The following CAD variants were observed in gnomAD, a reference collection of about 807,000 sequenced individuals.
CAD encodes the protein multifunctional protein CAD.
CAD carries 81 observed loss-of-function variants against 237.2 expected under a neutral mutation model. That is an observed-to-expected ratio of 0.34 (90% CI 0.29 to 0.41). The LOEUF (loss-of-function observed/expected upper bound fraction) is 0.41. Ranked by LOEUF, CAD falls within the 10% of genes least tolerant of loss-of-function variation. The pLI is 1.00. For synonymous variants in CAD, 1,196 were observed against 1,162.8 expected (o/e 1.03, Z -0.58); for missense variants, 2,181 against 2,951.7 (o/e 0.74, Z 6.05).
chr2:27,217,708 G>C, intron 1 of CAD, 75 bp downstream of exon 1: 1 of 1,437,956 alleles, frequency 7.0e-7, no homozygotes, highest in South Asian at 1.3e-5. Context: ...TCCCCGTCCA[G>C]ACCCCGCCAT....
intron 7 of CAD, 68 bp downstream of exon 7, chr2:27,223,816 C>T: frequency 6.3e-7 from 1 of 1,576,018 alleles, no homozygotes; most frequent in Non-Finnish European, 8.7e-7. Context: ...AAAAGTAAAG[C>T]ACGGCAGTGG....
At chr2:27,218,090 G>T in intron 2 of CAD, 74 bp downstream of exon 2, 1 of 1,339,402 alleles carries the variant, frequency 7.5e-7, no homozygotes, top group Non-Finnish European at 1.0e-6. Context: ...AGTAGGAGAC[G>T]TTGACACCCT....
rs1675459968 is a variant in CAD at position 27,226,752 on chromosome 2, G to C, written c.2157-80G>C. On this transcript the variant is annotated intron_variant, in intron 14 of 43. Transcript: ENST00000264705. ...AAAAGGACATTGGCCTGGATTTGTG[G>C]GAATGGAAAGAGCTATCCGGAAGCT... 4 of 1,602,334 alleles carry C rather than the reference G, an allele frequency of 2.5e-6. No individual in the cohort carries two copies. In the Admixed American group the frequency reaches 5.0e-5, roughly 20 times the overall value.
Position 27,236,763 on chromosome 2 carries a change from C to T in CAD, c.4329C>T (p.Ile1443=), listed in dbSNP as rs374650163. 1.2e-5 allele frequency: 19 copies of T among 1,614,094 alleles called. No homozygotes were observed. The highest frequency in any genetic ancestry group is 7.7e-5 in the South Asian group (7 of 91,078). Residue 1443 remains isoleucine, a synonymous_variant, in exon 27 of 44, where the codon ATC becomes ATT. Transcript: ENST00000264705. The surrounding 1 kb of genome is among the most constrained non-coding windows in gnomAD (Gnocchi z 4.1). ...TKLFVEALGQ[I]GPAPPLKVHV... ...TCCACTTGCAGGCCCTAGGCCAGAT[C>T]GGGCCAGCCCCTCCTTTGAAGGTGC...
rs1676206343 is a variant in CAD at position 27,239,693 on chromosome 2, G to A, written c.5395-4G>A. On this transcript the variant is annotated splice_polypyrimidine_tract_variant and splice_region_variant and intron_variant, in intron 33 of 43. Transcript: ENST00000264705. This position sits in a 1 kb window ranked among gnomAD's most constrained non-coding sequence, Gnocchi z 4.0. ...CTCCTGAGTGCCCTGCCTTCTGCCT[G>A]CAGGTTCTGGTACCCCCGGGCTATG... 3 of 1,574,386 alleles carry A rather than the reference G, an allele frequency of 1.9e-6. No individual in the cohort carries two copies. Among genetic ancestry groups the A allele is most frequent in the East Asian group, 2.2e-5 (1 of 44,460 alleles).
chr2:27,243,390 C>CT (rs5830040), intron 43 of CAD, 26 bp from the exon 44 acceptor site: 65,286 of 1,356,810 alleles, frequency 0.048, 165 homozygotes, highest in African/African-American at 0.074. Flanking sequence ...ATAACACTTC[C>CT]TTTTTTTTTT....
At chr2:27,234,269 C>G (rs1675899447) in intron 22 of CAD, 43 bp downstream of exon 22, 1 of 1,549,058 alleles carries the variant, frequency 6.5e-7, no homozygotes, top group African/African-American at 1.4e-5. Flanking sequence ...ACAGCTCTTG[C>G]ATGTTCTGTG....
chr2:27,228,589 T>G (rs559661983), intron 15 of CAD, among the ~76,000 whole-genome samples: 140 of 152,158 alleles, frequency 9.2e-4, no homozygotes, highest in Middle Eastern at 3.4e-3. Context: ...ACCCTGTCTT[T>G]TTTGTTTGTT....
Position 27,243,298 on chromosome 2 carries a change from G to A in CAD, c.6575+6G>A, listed in dbSNP as rs1676415403. The A allele has an allele frequency of 3.7e-6, 6 of 1,613,856 alleles. No individual in the cohort carries two copies. Among genetic ancestry groups the A allele is most frequent in the African/African-American group, 1.3e-5 (1 of 74,860 alleles). ...CCCCGTGTCAACGAGATAAGGTGGT[G>A]CAGCATCAGAGTCAGAGACTGCCTC... On this transcript the variant is annotated splice_donor_region_variant and intron_variant, in intron 43 of 43. Transcript: ENST00000264705.
intron 7 of CAD, 70 bp downstream of exon 7, chr2:27,223,818 C>T (rs1014187978): frequency 5.7e-6 from 9 of 1,571,518 alleles, no homozygotes; most frequent in African/African-American, 2.7e-5. Flanking sequence ...AAGTAAAGCA[C>T]GGCAGTGGAT....
intron 11 of CAD, 52 bp downstream of exon 11, chr2:27,225,295 G>GTTTT: frequency 7.2e-6 from 5 of 696,192 alleles, no homozygotes; most frequent in South Asian, 4.1e-5. Flanking sequence ...TTTTGGTAGT[G>GTTTT]TTATTTTCTT....
chr2:27,233,627 C>G lies in CAD; in HGVS notation c.3218C>G (p.Ser1073Cys), dbSNP rs553380787. ...PQWRELSDLE[S>C]ARQFCQTVGY... is the part of the protein sequence containing the mutation. ...AGCTAAGCTCCCTGCCTCCTGTAGT[C>G]TGCTCGCCAATTCTGCCAGACCGTG... Residue 1073 changes from serine to cysteine, a missense_variant and splice_region_variant, in exon 21 of 44, where the codon TCT (serine) becomes TGT (cysteine). By Grantham distance (112) the Ser-to-Cys change is moderately radical. Around this residue, in one of 12 missense-constraint regions of CAD, gnomAD observed 306 missense variants for 607.9 expected, o/e 0.50. Transcript: ENST00000264705. This position sits in a 1 kb window ranked among gnomAD's most constrained non-coding sequence, Gnocchi z 6.3. The G allele has an allele frequency of 2.5e-6, 4 of 1,614,124 alleles. No individual in the cohort carries two copies. Among genetic ancestry groups the G allele is most frequent in the Non-Finnish European group, 3.4e-6 (4 of 1,180,044 alleles).
At chr2:27,227,823 G>GAAA (rs1436947128) in intron 15 of CAD, among the ~76,000 whole-genome samples, 2 of 152,158 alleles carry the variant, frequency 1.3e-5, no homozygotes, top group African/African-American at 2.4e-5. Flanking sequence ...ATGAATCATG[G>GAAA]AAAACGAGGA....
chr2:27,231,266 A>G (rs867942511), intron 15 of CAD, among the ~76,000 whole-genome samples: 3 of 152,350 alleles, frequency 2.0e-5, no homozygotes, highest in South Asian at 2.1e-4. Flanking sequence ...TCAGCCTCCC[A>G]AAGTGCTGGG....
intron 16 of CAD, 50 bp downstream of exon 16, chr2:27,231,630 T>A: frequency 1.8e-6 from 2 of 1,117,832 alleles, no homozygotes; most frequent in Non-Finnish European, 2.7e-6. Flanking sequence ...ACCCTGCTTC[T>A]CATCGCCCCC....
At position 27,234,784 on chromosome 2, in the gene CAD, A is replaced by G. The variant is rs1170716245; in HGVS notation, c.3786+99A>G. The G allele has an allele frequency of 5.2e-6, 6 of 1,151,470 alleles. No individual in the cohort carries two copies. In the South Asian group the frequency reaches 7.4e-5, roughly 14 times the overall value. The allele number at this position is 1,151,470 out of a possible 1,614,324, so 71.3% of individuals were successfully genotyped here. A position where few individuals can be genotyped will look rare whatever the true frequency, so the allele number is the denominator to read the frequency against. ...AGTATGTAAACCAGGCACTGACTGC[A>G]AGGCATTGCCGGATCGTGGGGGTAA... On this transcript the variant is annotated intron_variant, in intron 23 of 43. Coordinates refer to ENST00000264705, the MANE Select transcript of CAD (RefSeq NM_004341.5).
At position 27,240,711 on chromosome 2, in the gene CAD, TC is replaced by T; in HGVS notation, c.5594-197del. Reference sequence around the variant, plus strand: ...GAGAGCCCCGGGAGGGCACCACTGCTCCCATACAACACAGCCCCATGGGAAG... The same window carrying T: ...GAGAGCCCCGGGAGGGCACCACTGCTCCATACAACACAGCCCCATGGGAAG... On this transcript the variant is annotated intron_variant, in intron 35 of 43. Coordinates refer to ENST00000264705, the MANE Select transcript of CAD (RefSeq NM_004341.5). The surrounding 1 kb of genome is among the most constrained non-coding windows in gnomAD (Gnocchi z 4.6). 1 of 1,363,542 alleles carries T rather than the reference TC, an allele frequency of 7.3e-7. No homozygotes were observed. The highest frequency in any genetic ancestry group is 1.0e-6 in the Non-Finnish European group (1 of 986,416). 84.5% of individuals were successfully genotyped at this position (1,363,542 alleles called of 1,614,324 possible).
chr2:27,238,398 G>A, intron 30 of CAD, 33 bp from the exon 31 acceptor site: 3 of 1,537,828 alleles, frequency 2.0e-6, no homozygotes, highest in Non-Finnish European at 2.6e-6. Context: ...CATATGGGTG[G>A]TGCCTCTTCT....
chr2:27,227,801 CAAGT>C (rs1269679449), intron 15 of CAD, among the ~76,000 whole-genome samples: 1 of 152,084 alleles, frequency 6.6e-6, no homozygotes, highest in African/African-American at 2.4e-5. Context: ...TTTTATTATA[CAAGT>C]AAGAAACATG....
Sources: gnomAD v4.1 joint callset for allele counts (sites outside exome capture counted in the v4.1 genomes callset) on GRCh38, gnomAD v4.1.1 for gene constraint, gnomAD v4.1.1 regional missense constraint, Gnocchi (gnomAD v3.1) non-coding constraint, MANE v1.5 for transcripts, NCBI Gene and HGNC (gene_info 2026-07-23, HGNC 2026-07-21) for gene names.